The following CLCA4 variants were observed in gnomAD, a reference collection of about 807,000 sequenced individuals.
CLCA4 encodes the protein calcium-activated chloride channel regulator 4.
A neutral mutation model predicts 78.9 loss-of-function variants in CLCA4; 69 were observed. The observed-to-expected ratio is 0.87, with a 90% confidence interval of 0.72 to 1.07. The LOEUF (loss-of-function observed/expected upper bound fraction) is 1.07, where lower values mean the gene tolerates loss of function less well. CLCA4 is among the 50% of genes least tolerant of loss of function. The pLI, the probability that CLCA4 is intolerant of heterozygous loss-of-function variation, is 0.00. For synonymous variants in CLCA4, 362 were observed against 375.8 expected (o/e 0.96, Z 0.42); for missense variants, 1,133 against 1,095.8 (o/e 1.03, Z -0.48).
At position 86,576,613 on chromosome 1, in the gene CLCA4, C is replaced by A. The variant is rs1650530263; in HGVS notation, c.1951+1014C>A. ...GCCTGGCTAGAGAGAGGGTGAAGCA[C>A]AAGCAAACTAAATGTGATTAAGTGA... On this transcript the variant is annotated intron_variant, in intron 11 of 13. Transcript: ENST00000370563. Among the ~76,000 whole-genome samples the A allele has an allele frequency of 1.3e-5, 2 of 152,044 alleles. 1 individual carries two copies. Among genetic ancestry groups the A allele is most frequent in the South Asian group, 4.1e-4 (2 of 4,830 alleles).
chr1:86,579,969 C>T lies in CLCA4; in HGVS notation c.2384C>T (p.Ala795Val), dbSNP rs1650657127. ...KVQRYIIRIS[A>V]SILDLRDSFD... ...CAACGTTATATCATAAGAATAAGTG[C>T]AAGTATTCTTGATCTAAGAGACAGT... Residue 795 changes from alanine to valine, a missense_variant, in exon 14 of 14, where the codon GCA (alanine) becomes GTA (valine). Physicochemically the swap from Ala to Val is moderately conservative, Grantham distance 64. Coordinates refer to ENST00000370563, the MANE Select transcript of CLCA4 (RefSeq NM_012128.4). 1 of 1,597,490 alleles carries T rather than the reference C, an allele frequency of 6.3e-7. No individual in the cohort carries two copies. Among genetic ancestry groups the T allele is most frequent in the African/African-American group, 1.4e-5 (1 of 73,902 alleles).
chr1:86,565,535 A>T, intron 5 of CLCA4, 84 bp downstream of exon 5: 1 of 1,063,456 alleles, frequency 9.4e-7, no homozygotes, highest in South Asian at 1.6e-5. Flanking sequence ...AGGTGACCTG[A>T]GGATTATATA....
At chr1:86,578,931 T>C (rs72955635) in intron 12 of CLCA4, among the ~76,000 whole-genome samples, 8,978 of 152,124 alleles carry the variant, frequency 0.059, 335 homozygotes, top group Middle Eastern at 0.14. Flanking sequence ...GGCTTTCTAC[T>C]AGCAATTGGA....
chr1:86,554,223 T>C (rs1369850122), intron 1 of CLCA4, among the ~76,000 whole-genome samples: 2 of 152,168 alleles, frequency 1.3e-5, no homozygotes, highest in Non-Finnish European at 2.9e-5. Context: ...TTACCTCCCA[T>C]TATAAGTGAG....
At chr1:86,564,990 A>G (rs1650134493) in intron 4 of CLCA4, among the ~76,000 whole-genome samples, 2 of 152,108 alleles carry the variant, frequency 1.3e-5, no homozygotes, top group African/African-American at 4.8e-5. Flanking sequence ...GTCCAGCAGG[A>G]GAGATGTCTA....
rs368160016 is a variant in CLCA4 at position 86,574,656 on chromosome 1, C to A, written c.1584C>A (p.Pro528=). The change falls in exon 10 of 14, where the codon CCC becomes CCA. Residue 528 remains proline (P), a synonymous_variant. Transcript: ENST00000370563. ...TCATCACATGGAACAGTCTGCCTCC[C>A]AGTATTTCTCTCTGGGATCCCAGTG... ...FFLITWNSLP[P]SISLWDPSGT... The A allele has an allele frequency of 9.9e-6, 16 of 1,613,192 alleles. No individual in the cohort carries two copies. The highest frequency in any genetic ancestry group is 1.3e-5 in the Non-Finnish European group (15 of 1,179,440).
intron 4 of CLCA4, 91 bp downstream of exon 4, chr1:86,563,860 A>C: frequency 1.6e-6 from 1 of 638,720 alleles, no homozygotes; most frequent in East Asian, 2.9e-5. Flanking sequence ...TTCTTAATGC[A>C]GACAATATGT....
chr1:86,578,374 G>A (rs930003708), intron 12 of CLCA4, among the ~76,000 whole-genome samples: 1 of 151,934 alleles, frequency 6.6e-6, no homozygotes, highest in Non-Finnish European at 1.5e-5. Flanking sequence ...TGTCATGGCG[G>A]TTTGTTGTAC....
intron 3 of CLCA4, among the ~76,000 whole-genome samples, chr1:86,562,412 G>A (rs1650050963): frequency 6.6e-6 from 1 of 152,198 alleles, no homozygotes; most frequent in Non-Finnish European, 1.5e-5. Context: ...AGTGCATTAT[G>A]TAGAAGAGTA....
chr1:86,577,801 T>G (rs1413333389), intron 11 of CLCA4, 101 bp from the exon 12 acceptor site: 1 of 838,896 alleles, frequency 1.2e-6, no homozygotes, highest in Admixed American at 2.9e-5. Context: ...CTAAAAATAT[T>G]AAGCCTAATC....
In CLCA4 at chr1:86,578,140, G is replaced by C. The variant is rs887316602; in HGVS notation, c.2122+68G>C. 1.2e-5 allele frequency: 17 copies of C among 1,377,414 alleles called. No individual in the cohort carries two copies. In the Admixed American group the frequency reaches 3.9e-4, roughly 31 times the overall value. The allele number at this position is 1,377,414 out of a possible 1,614,324, so 85.3% of individuals were successfully genotyped here. On this transcript the variant is annotated intron_variant, in intron 12 of 13. Transcript: ENST00000370563. ...AATATTAGTGATTTGATATAATTAG[G>C]CTTCAAACAGGTTGATTAAAACTCA...
chr1:86,576,089 C>G (rs1650507974), intron 11 of CLCA4, among the ~76,000 whole-genome samples: 1 of 152,040 alleles, frequency 6.6e-6, no homozygotes, highest in African/African-American at 2.4e-5. Flanking sequence ...AAGACTCCGT[C>G]TCAACGACAA....
chr1:86,553,022 C>G lies in CLCA4; in HGVS notation c.159+5744C>G, dbSNP rs1357038118. ...CCCAAGCCAGAGGCAGGACGTGCCC[C>G]CTCCTGCTCCCACGCCGCGCGGCAC... On this transcript the variant is annotated intron_variant, in intron 1 of 13. Coordinates refer to ENST00000370563, the MANE Select transcript of CLCA4 (RefSeq NM_012128.4). 10 of 625,712 alleles carry G rather than the reference C, an allele frequency of 1.6e-5. No homozygotes were observed. The Admixed American group carries it at 2.7e-4, about 17-fold the overall frequency. 38.8% of individuals were successfully genotyped at this position (625,712 alleles called of 1,614,324 possible). A position where few individuals can be genotyped will look rare whatever the true frequency, so the allele number is the denominator to read the frequency against.
chr1:86,561,346 T>G (rs1650010101), intron 3 of CLCA4, among the ~76,000 whole-genome samples: 1 of 152,238 alleles, frequency 6.6e-6, no homozygotes, highest in African/African-American at 2.4e-5. Context: ...CTCACCACTC[T>G]TATCCTTATG....
rs1380783153 is a variant in CLCA4 at position 86,580,199 on chromosome 1, C to T, written c.2614C>T (p.Pro872Ser). 1 of 1,600,064 alleles carries T rather than the reference C, an allele frequency of 6.2e-7. No individual in the cohort carries two copies. The highest frequency in any genetic ancestry group is 8.5e-7 in the Non-Finnish European group (1 of 1,176,008). Residue 872 changes from proline (P) to serine (S), a missense_variant, in exon 14 of 14, where the codon CCT (proline) becomes TCT (serine). By Grantham distance (74) the Pro-to-Ser change is moderately conservative. Coordinates refer to ENST00000370563, the MANE Select transcript of CLCA4 (RefSeq NM_012128.4). ...QVTLFIPQAN[P>S]DDIDPTPTPT... Reference sequence around the variant, plus strand: ...AACTTTGTTTATCCCTCAAGCAAATCCTGATGACATTGATCCTACACCTAC... The same window carrying T: ...AACTTTGTTTATCCCTCAAGCAAATTCTGATGACATTGATCCTACACCTAC...
In CLCA4 at chr1:86,580,485, C is replaced by T. The variant is rs556897499; in HGVS notation, c.*140C>T. The stretch of plus-strand genomic sequence containing the variant: ...ACTCATAAAAATAATTTTAAGATGT[C>T]GGAAAAGGATACTTTGATTAAATAA... On this transcript the variant is annotated 3_prime_UTR_variant, in exon 14 of 14. Transcript: ENST00000370563. The T allele has an allele frequency of 3.6e-5, 20 of 563,146 alleles. No homozygotes were observed. Among genetic ancestry groups the T allele is most frequent in the Non-Finnish European group, 4.4e-5 (16 of 363,700 alleles). The allele number at this position is 563,146 out of a possible 1,614,324, so 34.9% of individuals were successfully genotyped here.
intron 1 of CLCA4, chr1:86,553,243 G>T (rs901928141): frequency 2.0e-6 from 2 of 981,266 alleles, no homozygotes; most frequent in African/African-American, 1.6e-5. Context: ...AGGGACTGCC[G>T]CTGCAAGCTG....
Position 86,565,329 on chromosome 1 carries a change from T to A in CLCA4, c.613T>A (p.Cys205Ser). ...NRVYKCQGGS[C>S]LSRACRIDST... ...AGTTTATAAGTGTCAAGGAGGCAGCTGTCTTAGTAGAGCATGCAGAATTGA... is the reference window on the plus strand; with the variant it reads ...AGTTTATAAGTGTCAAGGAGGCAGCAGTCTTAGTAGAGCATGCAGAATTGA... The change falls in exon 5 of 14, where the codon TGT (cysteine) becomes AGT (serine). Residue 205 changes from cysteine to serine, a missense_variant. Coordinates refer to ENST00000370563, the MANE Select transcript of CLCA4 (RefSeq NM_012128.4). 1 of 1,609,534 alleles carries A rather than the reference T, an allele frequency of 6.2e-7. No individual in the cohort carries two copies. The highest frequency in any genetic ancestry group is 8.5e-7 in the Non-Finnish European group (1 of 1,177,452).
chr1:86,562,853 TAAAAA>T (rs10579344), intron 3 of CLCA4, among the ~76,000 whole-genome samples: 2 of 133,208 alleles, frequency 1.5e-5, no homozygotes, highest in Non-Finnish European at 1.6e-5. Context: ...GACTCCATCT[TAAAAA>T]AAAAAAAAAA....
Sources: allele counts gnomAD v4.1 joint callset (sites outside exome capture counted in the v4.1 genomes callset), GRCh38; gene constraint gnomAD v4.1.1; transcripts MANE v1.5; gene names NCBI Gene and HGNC (gene_info 2026-07-23, HGNC 2026-07-21).